Variants in HMCN1 observed in about 807,000 individuals in gnomAD.
HMCN1 encodes the protein hemicentin-1.
In HMCN1, 321 loss-of-function variants were observed where a neutral mutation model predicts 625.9. The observed-to-expected ratio is 0.51, with a 90% CI of 0.47 to 0.56. The LOEUF (loss-of-function observed/expected upper bound fraction) is 0.56, where lower values mean the gene tolerates loss of function less well. HMCN1 is among the 20% of genes least tolerant of loss of function. HMCN1 has a pLI of 0.00. For synonymous variants in HMCN1, 2,425 were observed against 2,417.6 expected, an observed-to-expected ratio of 1.00 and a Z score of -0.09; for missense variants, 6,588 against 6,887.3, an observed-to-expected ratio of 0.96 and a Z score of 1.54.
chr1:186,136,625 G>GT (rs765471289), intron 86 of HMCN1, 43 bp from the exon 87 acceptor site: 2 of 1,597,794 alleles, frequency 1.3e-6, no homozygotes, highest in Non-Finnish European at 1.7e-6. Flanking sequence ...AAAAAATGCT[G>GT]TAACTCCACA....
At chr1:185,740,850 C>T (rs376229542) in intron 1 of HMCN1, among the ~76,000 whole-genome samples, 24 of 151,844 alleles carry the variant, frequency 1.6e-4, no homozygotes, top group East Asian at 7.7e-4. Context: ...AAAAATTAGC[C>T]GGGCATGGTG....
At position 186,119,712 on chromosome 1, in the gene HMCN1, ATTAC is replaced by A. The variant is rs571447214; in HGVS notation, c.11957-30_11957-27del. ...TAGACATGGTTTATTAACTAGTGCT[ATTAC>A]TTCTTTTTGTTGATTGGTTTTTTTA... is the stretch of plus-strand genomic sequence containing the variant. On this transcript the variant is annotated intron_variant, in intron 78 of 106. Coordinates refer to ENST00000271588, the MANE Select transcript of HMCN1 (RefSeq NM_031935.3). The A allele has an allele frequency of 5.9e-5, 95 of 1,610,234 alleles. 1 individual carries two copies. In the South Asian group the frequency reaches 9.9e-4, roughly 17 times the overall value.
rs749573863 is a variant in HMCN1 at position 185,865,783 on chromosome 1, A to G, written c.541A>G (p.Ile181Val). The G allele has an allele frequency of 1.4e-5, 23 of 1,611,150 alleles. 1 individual carries two copies. The South Asian group carries it at 2.4e-4, about 17-fold the overall frequency. Reference protein sequence around the residue: ...LTGDCDDRTHIGYKVYEEIAS... With the variant: ...LTGDCDDRTHVGYKVYEEIAS... ...TGGAGATTGTGATGACAGGACCCAT[A>G]TTGGATATAAAGTCTATGAAGAAAT... The change falls in exon 4 of 107, where the codon ATT becomes GTT. Residue 181 changes from isoleucine to valine, a missense_variant. Around this residue, in one of 3 missense-constraint regions of HMCN1, gnomAD observed 4,628 missense variants for 4,853.1 expected, o/e 0.95. Transcript: ENST00000271588.
chr1:185,836,100 T>G (rs1661160176), intron 1 of HMCN1, among the ~76,000 whole-genome samples: 2 of 152,266 alleles, frequency 1.3e-5, no homozygotes, highest in South Asian at 4.1e-4. Context: ...TAACAGATAA[T>G]GTCTTAAATT....
intron 1 of HMCN1, among the ~76,000 whole-genome samples, chr1:185,747,355 A>G (rs1172335439): frequency 6.6e-6 from 1 of 151,192 alleles, no homozygotes; most frequent in Non-Finnish European, 1.5e-5. Context: ...GTTTTACTTC[A>G]TCACCCAGGC....
chr1:185,821,042 AAT>A (rs1247246844), intron 1 of HMCN1, among the ~76,000 whole-genome samples: 1 of 151,416 alleles, frequency 6.6e-6, no homozygotes, highest in African/African-American at 2.4e-5. Flanking sequence ...ATGTACATGT[AAT>A]ATATATATAT....
intron 52 of HMCN1, among the ~76,000 whole-genome samples, chr1:186,071,391 C>T (rs1011341804): frequency 6.6e-6 from 1 of 152,168 alleles, no homozygotes; most frequent in African/African-American, 2.4e-5. Flanking sequence ...ATTCTGTGAT[C>T]TGATTTTCAG....
intron 68 of HMCN1, among the ~76,000 whole-genome samples, chr1:186,095,907 C>T (rs902497584): frequency 1.1e-4 from 16 of 152,050 alleles, no homozygotes; most frequent in Admixed American, 6.6e-4. Flanking sequence ...CCAGTCTGTA[C>T]CTTATAGCTG....
intron 67 of HMCN1, 24 bp downstream of exon 67, chr1:186,094,397 A>T (rs371538371): frequency 7.8e-6 from 12 of 1,541,146 alleles, no homozygotes; most frequent in Non-Finnish European, 1.1e-5. Context: ...AAATGACCCT[A>T]TTACTTTGCT....
intron 71 of HMCN1, 97 bp downstream of exon 71, chr1:186,108,694 C>A (rs1660739641): frequency 5.4e-6 from 7 of 1,307,300 alleles, no homozygotes; most frequent in Non-Finnish European, 7.6e-6. Flanking sequence ...AACCAACTAA[C>A]ATCAGGCTAC....
Position 186,053,134 on chromosome 1 carries a change from C to T in HMCN1, c.6700+60C>T, listed in dbSNP as rs1017467637. On this transcript the variant is annotated intron_variant, in intron 43 of 106. Transcript: ENST00000271588. ...GAAAATATAAGATGGATATTGATTT[C>T]GTTTAATAAATGTGTTAGATTATAA... is the stretch of plus-strand genomic sequence containing the variant. 4.7e-5 allele frequency: 69 copies of T among 1,466,450 alleles called. 1 individual carries two copies. Among genetic ancestry groups the T allele is most frequent in the Middle Eastern group, 3.5e-4 (2 of 5,676 alleles). The allele number at this position is 1,466,450 out of a possible 1,614,324, so 90.8% of individuals were successfully genotyped here.
chr1:186,186,828 C>T (rs551294601), intron 105 of HMCN1, among the ~76,000 whole-genome samples: 2 of 152,212 alleles, frequency 1.3e-5, no homozygotes, highest in South Asian at 2.1e-4. Context: ...AGAAAACATT[C>T]GTGTATCACC....
chr1:185,893,365 T>C (rs1020495503), intron 4 of HMCN1, among the ~76,000 whole-genome samples: 2 of 152,226 alleles, frequency 1.3e-5, no homozygotes, highest in Admixed American at 6.5e-5. Context: ...CTGAAATTTA[T>C]TTTACAATCA....
At chr1:186,167,382 A>G (rs1651944899) in intron 100 of HMCN1, among the ~76,000 whole-genome samples, 1 of 152,228 alleles carries the variant, frequency 6.6e-6, no homozygotes, top group African/African-American at 2.4e-5. Context: ...TAGAAAGTAC[A>G]TAGATTCCTA....
At position 186,175,777 on chromosome 1, in the gene HMCN1, G is replaced by C. The variant is rs12119172; in HGVS notation, c.15943+1135G>C. On this transcript the variant is annotated intron_variant, in intron 103 of 106. Coordinates refer to ENST00000271588, the MANE Select transcript of HMCN1 (RefSeq NM_031935.3). ...TTCACGCCTGTAATCCCAGCTACTC[G>C]GCAGGCTGAGACAAGACAATCTCTT... Among the ~76,000 whole-genome samples the C allele has an allele frequency of 1.4e-3, 216 of 151,320 alleles. 1 individual carries two copies. The highest frequency in any genetic ancestry group is 2.6e-3 in the Non-Finnish European group (176 of 67,868).
At chr1:185,871,747 TAAAAA>T (rs10600470) in intron 4 of HMCN1, among the ~76,000 whole-genome samples, 5,967 of 151,976 alleles carry the variant, frequency 0.039, 411 homozygotes, top group African/African-American at 0.14. Flanking sequence ...GTTCAATACT[TAAAAA>T]AAACTGTAAA....
intron 77 of HMCN1, among the ~76,000 whole-genome samples, chr1:186,118,420 A>G (rs1247045128): frequency 6.6e-6 from 1 of 152,214 alleles, no homozygotes; most frequent in Non-Finnish European, 1.5e-5. Context: ...TTGAAATCAT[A>G]AAAGATTTTA....
In HMCN1 at chr1:186,178,758, C is replaced by T; in HGVS notation, c.16286C>T (p.Thr5429Ile). ...CPEGSEASHD[T>I]CVDIDECENT... is the part of the protein sequence containing the mutation. ...GAAGGCTCTGAGGCAAGCCATGACA[C>T]ATGTGTAGGTAAATGTCAGCCATAT... Residue 5429 changes from threonine (T) to isoleucine (I), a missense_variant, in exon 104 of 107, where the codon ACA (threonine) becomes ATA (isoleucine). Coordinates refer to ENST00000271588, the MANE Select transcript of HMCN1 (RefSeq NM_031935.3). 2 of 1,600,698 alleles carry T rather than the reference C, an allele frequency of 1.2e-6. No homozygotes were observed. Among genetic ancestry groups the T allele is most frequent in the Non-Finnish European group, 1.7e-6 (2 of 1,167,822 alleles).
intron 11 of HMCN1, among the ~76,000 whole-genome samples, chr1:185,961,007 C>T (rs1462064473): frequency 2.0e-5 from 3 of 152,128 alleles, no homozygotes; most frequent in Non-Finnish European, 2.9e-5. Context: ...GCCCTATGCT[C>T]ACCAACAAGA....
Sources: allele counts gnomAD v4.1 joint callset (sites outside exome capture counted in the v4.1 genomes callset), GRCh38; gene constraint gnomAD v4.1.1; regional missense constraint gnomAD v4.1.1; transcripts MANE v1.5; gene names NCBI Gene and HGNC (gene_info 2026-07-23, HGNC 2026-07-21).